SYNE2: variants seen among roughly 807,000 people sequenced by gnomAD.
SYNE2 encodes spectrin repeat containing nuclear envelope protein 2.
A neutral mutation model predicts 856.3 loss-of-function variants in SYNE2; 431 were observed. The observed-to-expected ratio is 0.50, with a 90% CI of 0.47 to 0.55. The LOEUF is 0.55. Among genes scored for constraint, SYNE2 ranks in the 20% least tolerant of loss-of-function variants. The pLI is 0.00. For missense variants in SYNE2, 8,129 were observed against 8,023.2 expected, an observed-to-expected ratio of 1.01 and a Z score of -0.50; for synonymous variants, 2,923 against 2,872.3, an observed-to-expected ratio of 1.02 and a Z score of -0.56.
intron 1 of SYNE2, among the ~76,000 whole-genome samples, chr14:63,781,218 C>T (rs1887293558): frequency 1.3e-5 from 2 of 148,882 alleles, no homozygotes; most frequent in South Asian, 2.1e-4. Context: ...GCAGAGGTTG[C>T]GGTGAGCCGA....
At chr14:64,150,297 A>G (rs1236520579) in intron 84 of SYNE2, among the ~76,000 whole-genome samples, 1 of 100,814 alleles carries the variant, frequency 9.9e-6, no homozygotes, top group Non-Finnish European at 1.9e-5. Flanking sequence ...CTCTCAAAAA[A>G]AAAAAAAAAA....
At chr14:63,813,647 G>T (rs550851629) in intron 1 of SYNE2, among the ~76,000 whole-genome samples, 2 of 152,172 alleles carry the variant, frequency 1.3e-5, no homozygotes, top group Non-Finnish European at 2.9e-5. Context: ...AATTAGACTG[G>T]GTGTGGTGGC....
At chr14:64,162,756 G>A (rs897536288) in intron 88 of SYNE2, 10 of 252,564 alleles carry the variant, frequency 4.0e-5, no homozygotes, top group African/African-American at 1.1e-4. Flanking sequence ...GTTAATGAAC[G>A]CTCAGAAAGT....
intron 45 of SYNE2, 63 bp downstream of exon 45, chr14:64,031,420 G>A: frequency 6.9e-7 from 1 of 1,439,950 alleles, no homozygotes; most frequent in East Asian, 2.3e-5. Flanking sequence ...ATTTGGCTCT[G>A]AAAAGAGGGT....
At chr14:64,143,054 A>G (rs2098152666) in intron 82 of SYNE2, among the ~76,000 whole-genome samples, 2 of 152,204 alleles carry the variant, frequency 1.3e-5, no homozygotes, top group South Asian at 2.1e-4. Flanking sequence ...GTTTTTATGT[A>G]CCATCACATC....
At chr14:63,997,412 A>G in intron 25 of SYNE2, 21 bp downstream of exon 25, 1 of 1,585,298 alleles carries the variant, frequency 6.3e-7, no homozygotes. Flanking sequence ...TGGATAATGT[A>G]TTTTAGAAGT....
At chr14:63,977,290 G>T (rs2153467818) in intron 12 of SYNE2, among the ~76,000 whole-genome samples, 1 of 152,108 alleles carries the variant, frequency 6.6e-6, no homozygotes. Flanking sequence ...TTGGCTCACT[G>T]CAAGCACCGC....
chr14:63,786,372 C>A (rs904643718), intron 1 of SYNE2, among the ~76,000 whole-genome samples: 2 of 152,208 alleles, frequency 1.3e-5, no homozygotes, highest in Non-Finnish European at 2.9e-5. Context: ...CATGCCACTG[C>A]ACTCCAGTCT....
At chr14:64,124,686 T>G (rs1049313084) in intron 70 of SYNE2, among the ~76,000 whole-genome samples, 1 of 152,204 alleles carries the variant, frequency 6.6e-6, no homozygotes, top group African/African-American at 2.4e-5. Context: ...GACAGCATGC[T>G]AAGGCATCTT....
At chr14:64,159,486 A>C (rs2153712174) in intron 87 of SYNE2, 44 bp downstream of exon 87, 1 of 1,605,676 alleles carries the variant, frequency 6.2e-7, no homozygotes, top group South Asian at 1.1e-5. Context: ...TCTTTATCTT[A>C]ATGACTTGTG....
At chr14:63,802,672 C>T (rs1228507902) in intron 1 of SYNE2, among the ~76,000 whole-genome samples, 3 of 152,182 alleles carry the variant, frequency 2.0e-5, no homozygotes, top group Admixed American at 6.5e-5. Flanking sequence ...CAGACCCTCG[C>T]GGTGAGAATT....
rs2096595685 is a variant in SYNE2 at position 63,982,643 on chromosome 14, C to CACT, written c.1852_1854dup (p.Leu618dup). The CACT allele has an allele frequency of 6.2e-7, 1 of 1,613,706 alleles. No homozygotes were observed. Among genetic ancestry groups the CACT allele is most frequent in the East Asian group, 2.2e-5 (1 of 44,846 alleles). On this transcript the variant is annotated inframe_insertion, in exon 17 of 116. Transcript: ENST00000555002. Reference sequence around the variant, plus strand: ...TGTATCATGTAGGTACCCTTTGAGACACTAGCCCAGTGGAATCTAGAACAC... The same window carrying CACT: ...TGTATCATGTAGGTACCCTTTGAGACACTACTAGCCCAGTGGAATCTAGAACAC...
chr14:64,152,820 C>G, intron 85 of SYNE2, 104 bp downstream of exon 85: 1 of 1,416,418 alleles, frequency 7.1e-7, no homozygotes, highest in Non-Finnish European at 9.8e-7. Context: ...CTCTCTATAC[C>G]AAACACTGAA....
rs527898927 is a variant in SYNE2, at chr14:63,879,101, A to G, written c.-52+25958A>G. Among the ~76,000 whole-genome samples the G allele has an allele frequency of 4.6e-5, 7 of 152,280 alleles. No homozygotes were observed. The South Asian group carries it at 1.4e-3, about 32-fold the overall frequency. On this transcript the variant is annotated intron_variant, in intron 1 of 115. Transcript: ENST00000555002. The stretch of plus-strand genomic sequence containing the variant: ...GTGCTAAGGAGTTTACAGGAGCACA[A>G]ACTGCCTCATAAGCCAAGAAGACTG...
chr14:64,193,778 A>G (rs1489039756), intron 99 of SYNE2, among the ~76,000 whole-genome samples: 1 of 151,980 alleles, frequency 6.6e-6, no homozygotes, highest in Non-Finnish European at 1.5e-5. Context: ...TTGGATAGAT[A>G]GGAGAGGAAA....
chr14:64,021,568 G>A (rs1476506084), intron 36 of SYNE2, 53 bp downstream of exon 36: 5 of 1,599,144 alleles, frequency 3.1e-6, no homozygotes, highest in Non-Finnish European at 4.3e-6. Context: ...CACACTATTT[G>A]CAGTTGTCTT....
intron 1 of SYNE2, among the ~76,000 whole-genome samples, chr14:63,821,049 C>T (rs976691809): frequency 1.3e-5 from 2 of 151,972 alleles, no homozygotes; most frequent in Non-Finnish European, 2.9e-5. Context: ...GCCAGGAGAA[C>T]TTTTGAGGTA....
At chr14:63,796,760 A>C (rs1215446564) in intron 1 of SYNE2, among the ~76,000 whole-genome samples, 1 of 151,966 alleles carries the variant, frequency 6.6e-6, no homozygotes, top group Non-Finnish European at 1.5e-5. Context: ...GAGCACTATG[A>C]TTACAGCTGT....
chr14:64,158,527 C>T (rs1258376283), intron 85 of SYNE2, 98 bp from the exon 86 acceptor site: 1 of 1,351,560 alleles, frequency 7.4e-7, no homozygotes, highest in African/African-American at 1.4e-5. Flanking sequence ...TCAATACTCT[C>T]AAATTGAAAT....
Sources: allele counts gnomAD v4.1 joint callset (sites outside exome capture counted in the v4.1 genomes callset), GRCh38; gene constraint gnomAD v4.1.1; transcripts MANE v1.5; gene names NCBI Gene and HGNC (gene_info 2026-07-23, HGNC 2026-07-21).